FGB: variants seen among roughly 807,000 people sequenced by gnomAD.
The protein encoded by FGB is beta-fibrinogen.
FGB carries 25 observed loss-of-function variants against 57.9 expected under a neutral mutation model. That is an observed-to-expected ratio of 0.43 (90% CI 0.31 to 0.60). The LOEUF is 0.60. Ranked by LOEUF, FGB falls within the 20% of genes least tolerant of loss-of-function variation. FGB has a pLI of 0.08. For synonymous variants in FGB, 203 were observed against 199.2 expected, an observed-to-expected ratio of 1.02 and a Z score of -0.16; for missense variants, 536 against 598.4, an observed-to-expected ratio of 0.90 and a Z score of 1.09.
intron 1 of FGB, chr4:154,565,170 T>C (rs1233188197): frequency 1.1e-5 from 5 of 464,362 alleles, no homozygotes; most frequent in Non-Finnish European, 1.8e-5. Context: ...AAACTATCAT[T>C]ACACTTATTT....
intron 1 of FGB, 63 bp from the exon 2 acceptor site, chr4:154,565,745 G>T (rs1272685166): frequency 1.3e-6 from 2 of 1,498,108 alleles, no homozygotes; most frequent in African/African-American, 2.8e-5. Flanking sequence ...GAGGGTGTTG[G>T]AATAGTTACA....
At chr4:154,568,589 T>C (rs937815825) in intron 5 of FGB, 95 bp downstream of exon 5, 52 of 775,358 alleles carry the variant, frequency 6.7e-5, no homozygotes, top group Non-Finnish European at 3.4e-5. Flanking sequence ...CTCATACCTG[T>C]AATTCCAGCA....
rs1454134288 is a variant in FGB at position 154,567,820 on chromosome 4, G to GGTAACT, written c.718+2_718+7dup. 1 of 1,603,482 alleles carries GGTAACT rather than the reference G, an allele frequency of 6.2e-7. No homozygotes were observed. The highest frequency in any genetic ancestry group is 1.1e-5 in the South Asian group (1 of 90,912). ...CAATATTCCTGTGGTGTCTGGCAAA[G>GGTAACT]GTAACTGATTCATAAACATATTTTT... On this transcript the variant is annotated stop_gained and protein_altering_variant and splice_region_variant. Coordinates refer to ENST00000302068, the MANE Select transcript of FGB (RefSeq NM_005141.5). LOFTEE classifies it high-confidence loss of function.
chr4:154,566,581 T>C lies in FGB; in HGVS notation c.399T>C (p.Asn133=). The C allele has an allele frequency of 1.2e-6, 2 of 1,614,098 alleles. No individual in the cohort carries two copies. The highest frequency in any genetic ancestry group is 1.7e-6 in the Non-Finnish European group (2 of 1,179,980). ...ATAGTGTTGATGAGTTAAATAACAA[T>C]GTGGAAGCTGTTTCCCAGACCTCCT... The part of the protein sequence containing the change: ...IRNSVDELNN[N]VEAVSQTSSS... The change falls in exon 3 of 8, where the codon AAT becomes AAC. Residue 133 remains asparagine, a synonymous_variant. Coordinates refer to ENST00000302068, the MANE Select transcript of FGB (RefSeq NM_005141.5).
chr4:154,566,466 C>A (rs1730162845), intron 2 of FGB, 23 bp from the exon 3 acceptor site: 1 of 1,611,102 alleles, frequency 6.2e-7, no homozygotes, highest in African/African-American at 1.3e-5. Flanking sequence ...TCATCTAATG[C>A]CTGCTATTTT....
rs33927322 is a variant in FGB at position 154,568,700 on chromosome 4, CAA to C, written c.832+220_832+221del. On this transcript the variant is annotated intron_variant, in intron 5 of 7. Transcript: ENST00000302068. ...AACTCTACAAAAAAAAAAAAAATAC[CAA>C]AAAAAAAAAAAAATCAGCTGTGTTG... Among the ~76,000 whole-genome samples, 223 of 129,504 alleles carry C rather than the reference CAA, an allele frequency of 1.7e-3. 1 individual carries two copies. The highest frequency in any genetic ancestry group is 4.2e-3 in the South Asian group (17 of 4,062). 85.0% of individuals were successfully genotyped at this position (129,504 alleles called of 152,430 possible).
intron 5 of FGB, 51 bp from the exon 6 acceptor site, chr4:154,569,131 C>T (rs1285533600): frequency 1.3e-5 from 21 of 1,598,624 alleles, no homozygotes; most frequent in East Asian, 2.2e-5. Context: ...TTCAAAGTGA[C>T]ATTATTTGCT....
intron 1 of FGB, chr4:154,565,275 C>A (rs138346242): frequency 1.7e-5 from 7 of 406,596 alleles, no homozygotes; most frequent in African/African-American, 1.1e-4. Context: ...AGTAGCCGAG[C>A]TCCAGAGTAC....
intron 4 of FGB, 63 bp from the exon 5 acceptor site, chr4:154,568,318 G>T: frequency 1.2e-6 from 1 of 858,824 alleles, no homozygotes; most frequent in African/African-American, 1.6e-5. Flanking sequence ...TAAAGAATTG[G>T]TGACTAAATA....
chr4:154,564,671 T>C (rs774812698), intron 1 of FGB, among the ~76,000 whole-genome samples: 1 of 152,038 alleles, frequency 6.6e-6, no homozygotes, highest in Non-Finnish European at 1.5e-5. Context: ...ACTCACAAAA[T>C]TGCAAGAGAG....
intron 1 of FGB, among the ~76,000 whole-genome samples, chr4:154,563,354 G>A (rs1730027448): frequency 6.6e-6 from 1 of 151,790 alleles, no homozygotes; most frequent in Admixed American, 6.6e-5. Flanking sequence ...GTTTTCTTAA[G>A]ATGAGGATGG....
intron 2 of FGB, 55 bp downstream of exon 2, chr4:154,566,054 T>A: frequency 1.4e-6 from 2 of 1,480,112 alleles, no homozygotes; most frequent in Non-Finnish European, 1.9e-6. Flanking sequence ...AGAAAGCCTG[T>A]AGTCATGGCA....
chr4:154,572,463 A>G lies in FGB; in HGVS notation c.*1813A>G, dbSNP rs1335472421. ...AGTATGTAGTTTATATAACATTTCT[A>G]CTTAGCACTCTCCACTTAGCAACCT... On this transcript the variant is annotated 3_prime_UTR_variant, in exon 8 of 8. Transcript: ENST00000302068. Among the ~76,000 whole-genome samples, 2 of 152,158 alleles carry G rather than the reference A, an allele frequency of 1.3e-5. No individual in the cohort carries two copies. Among genetic ancestry groups the G allele is most frequent in the African/African-American group, 2.4e-5 (1 of 41,438 alleles).
chr4:154,565,549 C>A (rs1234308289), intron 1 of FGB: 2 of 483,264 alleles, frequency 4.1e-6, no homozygotes, highest in Admixed American at 3.6e-5. Context: ...CATTACTATT[C>A]ATAATCTGAT....
intron 6 of FGB, 81 bp from the exon 7 acceptor site, chr4:154,569,433 G>A: frequency 6.3e-7 from 1 of 1,581,104 alleles, no homozygotes; most frequent in East Asian, 2.2e-5. Context: ...AAATGTGGAA[G>A]CTAAAGATAA....
Position 154,569,297 on chromosome 4 carries a change from T to C in FGB, c.948T>C (p.Cys316=). 1 of 1,614,160 alleles carries C rather than the reference T, an allele frequency of 6.2e-7. No individual in the cohort carries two copies. The highest frequency in any genetic ancestry group is 8.5e-7 in the Non-Finnish European group (1 of 1,180,018). Reference sequence around the variant, plus strand: ...CCAACACAGATGGGAAGAATTACTGTGGCCTACCAGGTAACGAACAGGCAT... The same window carrying C: ...CCAACACAGATGGGAAGAATTACTGCGGCCTACCAGGTAACGAACAGGCAT... ...VATNTDGKNY[C]GLPGEYWLGN... is the part of the protein sequence containing the mutation. Residue 316 remains cysteine, a synonymous_variant, in exon 6 of 8, where the codon TGT becomes TGC. Coordinates refer to ENST00000302068, the MANE Select transcript of FGB (RefSeq NM_005141.5).
chr4:154,568,862 A>G (rs2227437), intron 5 of FGB, among the ~76,000 whole-genome samples: 92 of 152,014 alleles, frequency 6.1e-4, no homozygotes, highest in Non-Finnish European at 1.1e-3. Flanking sequence ...GTCTCAAAAA[A>G]AAAAATTAAT....
At position 154,570,686 on chromosome 4, in the gene FGB, A is replaced by G. The variant is rs758231685; in HGVS notation, c.*36A>G. 4.7e-6 allele frequency: 7 copies of G among 1,503,874 alleles called. No individual in the cohort carries two copies. The highest frequency in any genetic ancestry group is 2.3e-5 in the South Asian group (2 of 88,434). The allele number at this position is 1,503,874 out of a possible 1,614,324, so 93.2% of individuals were successfully genotyped here. ...GTAGATTTTTGCTCTTCTGTATGTG[A>G]CAACATTTTTGTACATTATGTTATT... is the stretch of plus-strand genomic sequence containing the variant. On this transcript the variant is annotated 3_prime_UTR_variant, in exon 8 of 8. Transcript: ENST00000302068.
intron 7 of FGB, among the ~76,000 whole-genome samples, chr4:154,570,056 C>A (rs564526374): frequency 6.6e-6 from 1 of 152,308 alleles, no homozygotes; most frequent in African/African-American, 2.4e-5. Flanking sequence ...AGAATTTGAG[C>A]ACAGTTACTT....
Sources: gnomAD v4.1 joint callset for allele counts (sites outside exome capture counted in the v4.1 genomes callset) on GRCh38, gnomAD v4.1.1 for gene constraint, MANE v1.5 for transcripts, NCBI Gene and HGNC (gene_info 2026-07-23, HGNC 2026-07-21) for gene names.